FGFR4: variants seen among roughly 807,000 people sequenced by gnomAD.
The protein encoded by FGFR4 is hydroxyaryl-protein kinase.
A neutral mutation model predicts 89.9 loss-of-function variants in FGFR4; 63 were observed. The ratio of observed to expected loss-of-function variants is 0.70; its 90% CI spans 0.57 to 0.86. The LOEUF is 0.86. Ranked by LOEUF, FGFR4 falls within the 40% of genes least tolerant of loss-of-function variation. The probability of loss-of-function intolerance (pLI) is 0.00; values close to 1 mark genes in which losing one functional copy is unlikely to be tolerated. For missense variants in FGFR4, 928 were observed against 1,106.7 expected (o/e 0.84, Z 2.29); for synonymous variants, 486 against 479.4 (o/e 1.01, Z -0.18).
intron 2 of FGFR4, 32 bp downstream of exon 2, chr5:177,089,725 G>A: frequency 6.2e-7 from 1 of 1,607,958 alleles, no homozygotes; most frequent in South Asian, 1.1e-5. Flanking sequence ...AGGGTGGCAG[G>A]GGTGGGAAGA....
chr5:177,097,594 C>G lies in FGFR4; in HGVS notation c.2327C>G (p.Ser776Cys). Residue 776 changes from serine to cysteine, a missense_variant, in exon 18 of 18, where the codon TCC becomes TGC. Transcript: ENST00000292408. ...GGTGGGGACGCCAGCAGCACCTGCT[C>G]CTCCAGCGATTCTGTCTTCAGCCAC... ...PSGGDASSTC[S>C]SSDSVFSHDP... 1 of 1,614,192 alleles carries G rather than the reference C, an allele frequency of 6.2e-7. No homozygotes were observed. The highest frequency in any genetic ancestry group is 8.5e-7 in the Non-Finnish European group (1 of 1,180,032).
chr5:177,089,456 C>A, intron 1 of FGFR4, 94 bp from the exon 2 acceptor site: 1 of 1,384,776 alleles, frequency 7.2e-7, no homozygotes, highest in Non-Finnish European at 9.6e-7. Context: ...ATCTGCTGGC[C>A]ACTTCCTGTC....
chr5:177,096,380 G>A (rs2149738909), intron 15 of FGFR4, 23 bp downstream of exon 15: 1 of 1,613,184 alleles, frequency 6.2e-7, no homozygotes, highest in East Asian at 2.2e-5. Flanking sequence ...GGCGGTCACT[G>A]TCCTACCCCA....
chr5:177,096,440 G>A (rs917170651), intron 15 of FGFR4, 83 bp downstream of exon 15: 46 of 1,556,720 alleles, frequency 3.0e-5, no homozygotes, highest in East Asian at 9.0e-5. Flanking sequence ...GGAGTCATGC[G>A]CTCGAGGGCT....
Position 177,092,630 on chromosome 5 carries a change from A to G in FGFR4, c.919-16A>G. 1.3e-6 allele frequency: 2 copies of G among 1,595,262 alleles called. No individual in the cohort carries two copies. Among genetic ancestry groups the G allele is most frequent in the South Asian group, 2.2e-5 (2 of 89,128 alleles). On this transcript the variant is annotated splice_polypyrimidine_tract_variant and intron_variant, in intron 7 of 17. Coordinates refer to ENST00000292408, the MANE Select transcript of FGFR4 (RefSeq NM_213647.3). ...CCAGGCCCTGCTGTGACCCCAGAGC[A>G]TGTCCCCCACCCCAGACTGCAGACA...
rs574453325 is a variant in FGFR4, at chr5:177,089,223, C to T, written c.-53-327C>T. Reference sequence around the variant, plus strand: ...TTAGCAAAAAAGAAATTATGTGTGCCGAGAGCATGCAGAAGATATGTCTCC... The same window carrying T: ...TTAGCAAAAAAGAAATTATGTGTGCTGAGAGCATGCAGAAGATATGTCTCC... On this transcript the variant is annotated intron_variant, in intron 1 of 17. Transcript: ENST00000292408. Among the ~76,000 whole-genome samples the T allele has an allele frequency of 4.6e-5, 7 of 152,130 alleles. No individual in the cohort carries two copies. In the East Asian group the frequency reaches 5.8e-4, roughly 13 times the overall value.
intron 7 of FGFR4, 54 bp downstream of exon 7, chr5:177,092,565 TG>T (rs45615234): frequency 0.023 from 36,039 of 1,565,620 alleles, 1,624 homozygotes; most frequent in African/African-American, 0.16. Flanking sequence ...CACCTTGGGT[TG>T]GGGGGCTCCC....
At chr5:177,091,869 T>TG in intron 6 of FGFR4, 61 bp downstream of exon 6, 1 of 1,600,426 alleles carries the variant, frequency 6.2e-7, no homozygotes, top group Non-Finnish European at 8.5e-7. Context: ...TGTGCCCTCT[T>TG]GGTGGGGTCT....
chr5:177,097,124 T>TTTTCC, intron 16 of FGFR4, 168 bp from the exon 17 acceptor site: 1 of 461,504 alleles, frequency 2.2e-6, no homozygotes, highest in Non-Finnish European at 3.7e-6. Context: ...CCTCCTCCTC[T>TTTTCC]TCCTCCTCCT....
Position 177,095,919 on chromosome 5 carries a change from G to C in FGFR4, c.1822-138G>C. 7.5e-7 allele frequency: 1 copy of C among 1,338,746 alleles called. No individual in the cohort carries two copies. The highest frequency in any genetic ancestry group is 1.0e-6 in the Non-Finnish European group (1 of 1,000,710). 82.9% of individuals were successfully genotyped at this position (1,338,746 alleles called of 1,614,324 possible). ...GAGGGGAGAGGGGACGCAGGAGAAG[G>C]CACTCCCCGTTTCTAAACCTTGACC... On this transcript the variant is annotated intron_variant, in intron 13 of 17. Coordinates refer to ENST00000292408, the MANE Select transcript of FGFR4 (RefSeq NM_213647.3). This position sits in a 1 kb window ranked among gnomAD's most constrained non-coding sequence, Gnocchi z 5.7.
rs1188138749 is a variant in FGFR4 at position 177,092,714 on chromosome 5, C to A, written c.987C>A (p.Gly329=). Residue 329 remains glycine, a synonymous_variant, in exon 8 of 18, where the codon GGC becomes GGA. Coordinates refer to ENST00000292408, the MANE Select transcript of FGFR4 (RefSeq NM_213647.3). ...GGAACGTGTCAGCCGAGGACGCAGG[C>A]GAGTACACCTGCCTCGCAGGCAATT... ...YLRNVSAEDA[G]EYTCLAGNSI... is the part of the protein sequence containing the mutation. 3 of 1,614,240 alleles carry A rather than the reference C, an allele frequency of 1.9e-6. No homozygotes were observed. The highest frequency in any genetic ancestry group is 1.7e-6 in the Non-Finnish European group (2 of 1,180,032).
chr5:177,095,796 C>A lies in FGFR4; in HGVS notation c.1821+73C>A. ...TCTCAGGCCTGTGGCATTCAATGTC[C>A]CGACTTCTCCCTCTCTGCTCTTTTT... On this transcript the variant is annotated intron_variant, in intron 13 of 17. Transcript: ENST00000292408. This position sits in a 1 kb window ranked among gnomAD's most constrained non-coding sequence, Gnocchi z 5.7. 9 of 1,410,288 alleles carry A rather than the reference C, an allele frequency of 6.4e-6. No individual in the cohort carries two copies. Among genetic ancestry groups the A allele is most frequent in the South Asian group, 5.8e-5 (4 of 68,564 alleles). 87.4% of individuals were successfully genotyped at this position (1,410,288 alleles called of 1,614,324 possible). A position where few individuals can be genotyped will look rare whatever the true frequency, so the allele number is the denominator to read the frequency against.
chr5:177,091,647 C>T, intron 5 of FGFR4, 38 bp from the exon 6 acceptor site: 1 of 1,609,982 alleles, frequency 6.2e-7, no homozygotes, highest in Non-Finnish European at 8.5e-7. Flanking sequence ...CCTTGGTGGA[C>T]ATGGTCCGGT....
rs1292291741 is a variant in FGFR4 at position 177,097,776 on chromosome 5, CT to C, written c.*101del. ...GCTCGACCTTGATAGCATGGGGCCC[CT>C]GGCCCAGAGTTGCTGTGCCGTGTCC... is the stretch of plus-strand genomic sequence containing the variant. On this transcript the variant is annotated 3_prime_UTR_variant, in exon 18 of 18. Coordinates refer to ENST00000292408, the MANE Select transcript of FGFR4 (RefSeq NM_213647.3). 5 of 1,460,662 alleles carry C rather than the reference CT, an allele frequency of 3.4e-6. No homozygotes were observed. The Admixed American group carries it at 9.1e-5, about 27-fold the overall frequency. The allele number at this position is 1,460,662 out of a possible 1,614,324, so 90.5% of individuals were successfully genotyped here. A position where few individuals can be genotyped will look rare whatever the true frequency, so the allele number is the denominator to read the frequency against.
chr5:177,089,415 A>G lies in FGFR4; in HGVS notation c.-53-135A>G, dbSNP rs553485308. ...TACTACAGAGCTGGTTCCAGTCTGC[A>G]CTGCCACAGCCTGGCCAGGGACTTG... On this transcript the variant is annotated intron_variant, in intron 1 of 17. Transcript: ENST00000292408. 1.2e-4 allele frequency: 123 copies of G among 1,008,812 alleles called. No individual in the cohort carries two copies. In the East Asian group the frequency reaches 2.9e-3, roughly 24 times the overall value. The allele number at this position is 1,008,812 out of a possible 1,614,324, so 62.5% of individuals were successfully genotyped here.
chr5:177,090,576 C>T lies in FGFR4; in HGVS notation c.278C>T (p.Pro93Leu), dbSNP rs1357986060. The T allele has an allele frequency of 6.6e-7, 1 of 1,524,924 alleles. No individual in the cohort carries two copies. Among genetic ancestry groups the T allele is most frequent in the East Asian group, 2.3e-5 (1 of 44,200 alleles). 94.5% of individuals were successfully genotyped at this position (1,524,924 alleles called of 1,614,324 possible). Residue 93 changes from proline to leucine, a missense_variant, in exon 3 of 18, where the codon CCT (proline) becomes CTT (leucine). Physicochemically the swap from Pro to Leu is moderately conservative, Grantham distance 98. Around this residue, in one of 5 missense-constraint regions of FGFR4, gnomAD observed 741 missense variants for 836.9 expected, o/e 0.89. Coordinates refer to ENST00000292408, the MANE Select transcript of FGFR4 (RefSeq NM_213647.3). ...RGRLEIASFL[P>L]EDAGRYLCLA... ...CGCCTAGAGATTGCCAGCTTCCTAC[C>T]TGAGGATGCTGGCCGCTACCTCTGC...
chr5:177,091,819 G>C lies in FGFR4; in HGVS notation c.727+11G>C, dbSNP rs772846686. The C allele has an allele frequency of 6.2e-7, 1 of 1,613,986 alleles. No homozygotes were observed. The highest frequency in any genetic ancestry group is 8.5e-7 in the Non-Finnish European group (1 of 1,179,932). On this transcript the variant is annotated intron_variant, in intron 6 of 17. Coordinates refer to ENST00000292408, the MANE Select transcript of FGFR4 (RefSeq NM_213647.3). ...TGCTAGATGTGCTGGGTGAGCGCGGGGCTGGGAACAGGGGAGGCCTGACCC... is the reference window on the plus strand; with the variant it reads ...TGCTAGATGTGCTGGGTGAGCGCGGCGCTGGGAACAGGGGAGGCCTGACCC...
At position 177,092,872 on chromosome 5, in the gene FGFR4, TTGGCCTGTGGGGTC is replaced by T. The variant is rs561438981; in HGVS notation, c.1057+96_1057+109del. 769 of 1,599,860 alleles carry T rather than the reference TTGGCCTGTGGGGTC, an allele frequency of 4.8e-4. 11 individuals are homozygous for T. The Admixed American group carries it at 0.012, about 26-fold the overall frequency. On this transcript the variant is annotated intron_variant, in intron 8 of 17. Coordinates refer to ENST00000292408, the MANE Select transcript of FGFR4 (RefSeq NM_213647.3). Reference sequence around the variant, plus strand: ...TGGCCTGTTGGGTGGTCAGTCTCTGTTGGCCTGTGGGGTCTGGCCTGGGGGGCAGTGTGTGGATT... The same window carrying T: ...TGGCCTGTTGGGTGGTCAGTCTCTGTTGGCCTGGGGGGCAGTGTGTGGATT...
rs1784537925 is a variant in FGFR4 at position 177,095,777 on chromosome 5, G to T, written c.1821+54G>T. On this transcript the variant is annotated intron_variant, in intron 13 of 17. Coordinates refer to ENST00000292408, the MANE Select transcript of FGFR4 (RefSeq NM_213647.3). The surrounding 1 kb of genome is among the most constrained non-coding windows in gnomAD (Gnocchi z 5.7). ...TCAGTCTCTCCAGCTCCACTCTCAG[G>T]CCTGTGGCATTCAATGTCCCGACTT... The T allele has an allele frequency of 2.7e-6, 4 of 1,477,188 alleles. No homozygotes were observed. The highest frequency in any genetic ancestry group is 3.6e-6 in the Non-Finnish European group (4 of 1,109,462). 91.5% of individuals were successfully genotyped at this position (1,477,188 alleles called of 1,614,324 possible).
Sources: gnomAD v4.1 joint callset for allele counts (sites outside exome capture counted in the v4.1 genomes callset) on GRCh38, gnomAD v4.1.1 for gene constraint, gnomAD v4.1.1 regional missense constraint, Gnocchi (gnomAD v3.1) non-coding constraint, MANE v1.5 for transcripts, NCBI Gene and HGNC (gene_info 2026-07-23, HGNC 2026-07-21) for gene names.